The following TRMT11 variants were observed in gnomAD, a reference collection of about 807,000 sequenced individuals.
TRMT11 encodes tRNA methyltransferase 11.
A neutral mutation model predicts 62.8 loss-of-function variants in TRMT11; 53 were observed. The observed-to-expected ratio is 0.84, with a 90% CI of 0.68 to 1.06. TRMT11 has a LOEUF of 1.06. Among genes scored for constraint, TRMT11 ranks in the 50% least tolerant of loss-of-function variants. The pLI is 0.00. For synonymous variants in TRMT11, 188 were observed against 190.3 expected (o/e 0.99, Z 0.10); for missense variants, 556 against 553.4 (o/e 1.00, Z -0.05).
rs748327950 is a variant in TRMT11 at position 125,998,140 on chromosome 6, T to C, written c.294+6T>C. Reference sequence around the variant, plus strand: ...ACTACCCTGTGGAGAAGATGGTGCGTAGTAAAATGTGGTTTTATATAGGCA... The same window carrying C: ...ACTACCCTGTGGAGAAGATGGTGCGCAGTAAAATGTGGTTTTATATAGGCA... On this transcript the variant is annotated splice_donor_region_variant and intron_variant, in intron 4 of 12. Transcript: ENST00000334379. The C allele has an allele frequency of 6.2e-7, 1 of 1,612,346 alleles. No individual in the cohort carries two copies. The highest frequency in any genetic ancestry group is 1.3e-5 in the African/African-American group (1 of 75,010).
At chr6:126,088,959 AATTAGT>A (rs1247217783) in intron 17 of TRMT11, among the ~76,000 whole-genome samples, 1 of 152,172 alleles carries the variant, frequency 6.6e-6, no homozygotes, top group Admixed American at 6.5e-5. Context: ...CAAGAATGAG[AATTAGT>A]TCTCAATTAT....
chr6:126,118,766 G>A (rs963329611), intron 21 of TRMT11, among the ~76,000 whole-genome samples: 2 of 151,918 alleles, frequency 1.3e-5, no homozygotes, highest in African/African-American at 4.8e-5. Flanking sequence ...AGAAATTTCA[G>A]CTATTAAGAA....
At chr6:126,220,284 A>G in the TRMT11 span, among the ~76,000 whole-genome samples, 1 of 152,242 alleles carries the variant, frequency 6.6e-6, no homozygotes. Context: ...AAATTGGTCT[A>G]CTGCATTTAT....
At chr6:126,109,965 A>G (rs1777512000) in intron 17 of TRMT11, among the ~76,000 whole-genome samples, 1 of 152,190 alleles carries the variant, frequency 6.6e-6, no homozygotes, top group African/African-American at 2.4e-5. Context: ...GGCACCAAGG[A>G]TGGGGCTAGA....
intron 17 of TRMT11, among the ~76,000 whole-genome samples, chr6:126,077,054 G>A (rs6938595): frequency 0.092 from 14,068 of 152,184 alleles, 2,050 homozygotes; most frequent in African/African-American, 0.31. Context: ...TCCAAACTCT[G>A]TGGAGTGTTT....
chr6:126,054,959 T>C (rs1228237366), intron 17 of TRMT11, among the ~76,000 whole-genome samples: 1 of 152,178 alleles, frequency 6.6e-6, no homozygotes, highest in African/African-American at 2.4e-5. Context: ...CACCATATGC[T>C]GACGAACATT....
chr6:126,066,367 C>T (rs995379234), intron 17 of TRMT11, among the ~76,000 whole-genome samples: 73 of 152,180 alleles, frequency 4.8e-4, no homozygotes, highest in African/African-American at 1.6e-3. Context: ...CATTCCTTAC[C>T]GTTCTAGAAG....
At chr6:126,037,247 C>T (rs2128073345) in intron 12 of TRMT11, among the ~76,000 whole-genome samples, 1 of 152,054 alleles carries the variant, frequency 6.6e-6, no homozygotes, top group Non-Finnish European at 1.5e-5. Context: ...TTATCTTGGA[C>T]CTGTACTCTT....
chr6:126,048,888 G>C (rs919219175), intron 16 of TRMT11, among the ~76,000 whole-genome samples: 6 of 152,088 alleles, frequency 3.9e-5, no homozygotes, highest in Non-Finnish European at 8.8e-5. Context: ...CAGGTTACAG[G>C]CTTGCTGTTC....
chr6:126,257,824 A>C, the TRMT11 span: 1 of 890,102 alleles, frequency 1.1e-6, no homozygotes, highest in East Asian at 2.6e-5. Flanking sequence ...TGCTCATGGC[A>C]CTGAGCCTGG....
chr6:126,021,077 C>T, intron 11 of TRMT11, 83 bp from the exon 12 acceptor site: 6 of 1,501,646 alleles, frequency 4.0e-6, no homozygotes, highest in Non-Finnish European at 5.5e-6. Flanking sequence ...GGAAGAACAT[C>T]CCACACTACA....
intron 17 of TRMT11, among the ~76,000 whole-genome samples, chr6:126,086,131 T>G (rs1777214359): frequency 6.6e-6 from 1 of 152,210 alleles, no homozygotes; most frequent in South Asian, 2.1e-4. Flanking sequence ...TAGGCTGATT[T>G]ACTTTAAACT....
At chr6:126,128,370 A>G (rs932592874) in intron 21 of TRMT11, among the ~76,000 whole-genome samples, 1 of 152,130 alleles carries the variant, frequency 6.6e-6, no homozygotes, top group Non-Finnish European at 1.5e-5. Flanking sequence ...AGAGATAAGA[A>G]TATGCTAAAT....
chr6:126,260,007 T>G, the TRMT11 span, among the ~76,000 whole-genome samples: 1 of 152,184 alleles, frequency 6.6e-6, no homozygotes, highest in Non-Finnish European at 1.5e-5. Flanking sequence ...TCTAGTTTTT[T>G]TTATTCATGC....
intron 16 of TRMT11, among the ~76,000 whole-genome samples, chr6:126,050,864 G>T (rs1456307576): frequency 1.3e-5 from 2 of 152,260 alleles, no homozygotes; most frequent in South Asian, 2.1e-4. Flanking sequence ...CAAATATTTT[G>T]TCCTCATTGG....
chr6:126,180,663 G>C (rs1157282481), intron 1 of TRMT11, among the ~76,000 whole-genome samples: 1 of 152,218 alleles, frequency 6.6e-6, no homozygotes, highest in Non-Finnish European at 1.5e-5. Flanking sequence ...TCAAATCAAT[G>C]AGTTACTATC....
chr6:126,165,214 G>A (rs928858474), intron 21 of TRMT11, among the ~76,000 whole-genome samples: 1 of 151,420 alleles, frequency 6.6e-6, no homozygotes, highest in Admixed American at 6.6e-5. Context: ...GGAGACGGAG[G>A]TTGCACTGAG....
At chr6:126,133,199 C>G (rs768534423) in intron 21 of TRMT11, among the ~76,000 whole-genome samples, 58 of 152,074 alleles carry the variant, frequency 3.8e-4, no homozygotes, top group Non-Finnish European at 6.9e-4. Flanking sequence ...ATGTTATTCT[C>G]TTGCAGTTTT....
intron 17 of TRMT11, among the ~76,000 whole-genome samples, chr6:126,062,070 G>T (rs979936316): frequency 1.3e-5 from 2 of 152,108 alleles, no homozygotes; most frequent in Admixed American, 6.5e-5. Context: ...TATTTTTTTT[G>T]ATAGAGATGA....
Sources: gnomAD v4.1 joint callset for allele counts (sites outside exome capture counted in the v4.1 genomes callset) on GRCh38, gnomAD v4.1.1 for gene constraint, MANE v1.5 for transcripts, NCBI Gene and HGNC (gene_info 2026-07-23, HGNC 2026-07-21) for gene names.